The following SKAP1 variants were observed in gnomAD, a reference collection of about 807,000 sequenced individuals.
SKAP1 encodes the protein src kinase-associated phosphoprotein 1.
Under a neutral mutation model 58.5 loss-of-function variants are expected in SKAP1, and 44 were observed. The observed-to-expected ratio is 0.75, with a 90% CI of 0.59 to 0.97. The LOEUF (loss-of-function observed/expected upper bound fraction) is 0.97, where lower values mean the gene tolerates loss of function less well. Ranked by LOEUF, SKAP1 falls within the 50% of genes least tolerant of loss-of-function variation. The pLI is 0.00. For missense variants in SKAP1, 390 were observed against 435.2 expected (o/e 0.90, Z 0.92); for synonymous variants, 127 against 149.7 (o/e 0.85, Z 1.11).
At chr17:48,260,320 TTTA>T in intron 4 of SKAP1, among the ~76,000 whole-genome samples, 1 of 152,016 alleles carries the variant, frequency 6.6e-6, no homozygotes, top group Non-Finnish European at 1.5e-5. Flanking sequence ...GGGAGATGAG[TTTA>T]TTAGGATCTG....
chr17:48,436,677 T>G, the SKAP1 span, among the ~76,000 whole-genome samples: 1 of 152,094 alleles, frequency 6.6e-6, no homozygotes, highest in Non-Finnish European at 1.5e-5. Flanking sequence ...CTTTCACCCC[T>G]CTACCTCCTC....
chr17:48,177,305 C>T (rs1240128948), intron 9 of SKAP1, among the ~76,000 whole-genome samples: 3 of 152,200 alleles, frequency 2.0e-5, no homozygotes, highest in Non-Finnish European at 4.4e-5. Context: ...AACACCATCA[C>T]ATTAATAACA....
At chr17:48,185,186 G>T in intron 6 of SKAP1, 1 of 215,146 alleles carries the variant, frequency 4.6e-6, no homozygotes. Context: ...GCTCTTGAAG[G>T]CTATTATAAA....
chr17:48,205,362 C>G (rs542526096), intron 4 of SKAP1, among the ~76,000 whole-genome samples: 1 of 152,008 alleles, frequency 6.6e-6, no homozygotes, highest in Non-Finnish European at 1.5e-5. Flanking sequence ...TCACGTGCCT[C>G]GGCCTCCCAA....
intron 4 of SKAP1, among the ~76,000 whole-genome samples, chr17:48,232,677 T>C (rs947773578): frequency 6.6e-6 from 1 of 152,192 alleles, no homozygotes; most frequent in Non-Finnish European, 1.5e-5. Context: ...GTCCACTTGA[T>C]TGCTACAGTT....
At chr17:48,430,224 GCGGTCGCCGCCCGCCCAGCC>G (rs1369529453), upstream of SKAP1, 2 of 978,410 alleles carry the variant, frequency 2.0e-6, no homozygotes, top group Non-Finnish European at 2.6e-6. Flanking sequence ...TACCTCAGCC[GCGGTCGCCGCCCGCCCAGCC>G]CGGCCGCGGG....
chr17:48,152,704 T>C (rs1341779588), intron 11 of SKAP1, among the ~76,000 whole-genome samples: 1 of 152,258 alleles, frequency 6.6e-6, no homozygotes, highest in African/African-American at 2.4e-5. Flanking sequence ...TAAAGATTTA[T>C]GTGGTAAAAA....
chr17:48,253,686 G>C (rs1328494453), intron 4 of SKAP1, among the ~76,000 whole-genome samples: 1 of 151,776 alleles, frequency 6.6e-6, no homozygotes, highest in Non-Finnish European at 1.5e-5. Flanking sequence ...CTATACGACT[G>C]TGGAAGGGAC....
At chr17:48,327,137 C>T (rs548658334) in intron 4 of SKAP1, among the ~76,000 whole-genome samples, 3 of 152,136 alleles carry the variant, frequency 2.0e-5, no homozygotes, top group African/African-American at 2.4e-5. Context: ...GTGATCTGTC[C>T]GCCTCGGCCT....
rs2064479663 is a variant in SKAP1 at position 48,187,877 on chromosome 17, G to C, written c.408C>G (p.Ser136Arg). ...TAGCATAGTAGTAGAAGAGACCTCTGCTGACAACACACCATCGCTTCTGCC... is the reference window on the plus strand; with the variant it reads ...TAGCATAGTAGTAGAAGAGACCTCTCCTGACAACACACCATCGCTTCTGCC... ...SEWQKRWCVVSRGLFYYYANE... is the reference protein window; with the variant it reads ...SEWQKRWCVVRRGLFYYYANE... Residue 136 changes from serine (S) to arginine (R), a missense_variant, in exon 6 of 13, where the codon AGC becomes AGG. By Grantham distance (110) the Ser-to-Arg change is moderately radical. Coordinates refer to ENST00000336915, the MANE Select transcript of SKAP1 (RefSeq NM_003726.4). 3 of 1,613,700 alleles carry C rather than the reference G, an allele frequency of 1.9e-6. No individual in the cohort carries two copies. Among genetic ancestry groups the C allele is most frequent in the African/African-American group, 1.3e-5 (1 of 74,894 alleles).
At chr17:48,247,033 C>G (rs972079268) in intron 4 of SKAP1, among the ~76,000 whole-genome samples, 1 of 152,190 alleles carries the variant, frequency 6.6e-6, no homozygotes, top group Non-Finnish European at 1.5e-5. Context: ...TCTCTCTAAC[C>G]CAACTATCTG....
chr17:48,299,541 T>C (rs2066030678), intron 4 of SKAP1, among the ~76,000 whole-genome samples: 2 of 152,100 alleles, frequency 1.3e-5, no homozygotes, highest in Admixed American at 1.3e-4. Context: ...TCTTTGAAAG[T>C]TCTTTAGGAT....
intron 4 of SKAP1, among the ~76,000 whole-genome samples, chr17:48,195,856 G>T (rs1341076801): frequency 1.3e-5 from 2 of 152,110 alleles, no homozygotes; most frequent in Non-Finnish European, 2.9e-5. Context: ...CCAGGTTATA[G>T]TGAACCCAGG....
At chr17:48,441,350 G>A in the SKAP1 span, among the ~76,000 whole-genome samples, 1 of 152,072 alleles carries the variant, frequency 6.6e-6, no homozygotes, top group Non-Finnish European at 1.5e-5. Context: ...CAAATTAATG[G>A]CAGAACCACA....
the SKAP1 span, among the ~76,000 whole-genome samples, chr17:48,436,297 C>T: frequency 6.6e-6 from 1 of 152,196 alleles, no homozygotes; most frequent in South Asian, 2.1e-4. Flanking sequence ...GTCTCAAACT[C>T]CTTACCTCAG....
Position 48,380,766 on chromosome 17 carries a change from C to T in SKAP1, c.152+15914G>A, listed in dbSNP as rs2067204577. On this transcript the variant is annotated intron_variant, in intron 2 of 12. Coordinates refer to ENST00000336915, the MANE Select transcript of SKAP1 (RefSeq NM_003726.4). ...AAAAGTTCATTTCCAGTTGTTTGGA[C>T]CTTGGAATACATTTTCCTAATGAAA... Among the ~76,000 whole-genome samples, 3 of 152,148 alleles carry T rather than the reference C, an allele frequency of 2.0e-5. No homozygotes were observed. The South Asian group carries it at 6.2e-4, about 32-fold the overall frequency.
intron 4 of SKAP1, among the ~76,000 whole-genome samples, chr17:48,274,067 G>A (rs898374800): frequency 6.6e-6 from 1 of 152,088 alleles, no homozygotes; most frequent in Non-Finnish European, 1.5e-5. Context: ...AGGTCAATAG[G>A]CGTACACCAC....
chr17:48,412,769 T>TA (rs1282317605), intron 1 of SKAP1, among the ~76,000 whole-genome samples: 1 of 152,150 alleles, frequency 6.6e-6, no homozygotes, highest in Non-Finnish European at 1.5e-5. Context: ...CTAAAATTGT[T>TA]AAAAAATAAT....
chr17:48,366,861 C>T (rs984890187), intron 2 of SKAP1, among the ~76,000 whole-genome samples: 2 of 152,112 alleles, frequency 1.3e-5, no homozygotes, highest in South Asian at 2.1e-4. Flanking sequence ...CACATGTGTA[C>T]GTACACTCTC....
Sources: gnomAD v4.1 joint callset for allele counts (sites outside exome capture counted in the v4.1 genomes callset) on GRCh38, gnomAD v4.1.1 for gene constraint, MANE v1.5 for transcripts, NCBI Gene and HGNC (gene_info 2026-07-23, HGNC 2026-07-21) for gene names.